The following TMC1 variants were observed in gnomAD, a reference collection of about 807,000 sequenced individuals.
The protein encoded by TMC1 is transmembrane channel-like protein 1.
A neutral mutation model predicts 105.8 loss-of-function variants in TMC1; 84 were observed. The ratio of observed to expected loss-of-function variants is 0.79; its 90% CI spans 0.67 to 0.95. The LOEUF (loss-of-function observed/expected upper bound fraction) is 0.95, where lower values mean the gene tolerates loss of function less well. Ranked by LOEUF, TMC1 falls within the 40% of genes least tolerant of loss-of-function variation. The pLI, the probability that TMC1 is intolerant of heterozygous loss-of-function variation, is 0.00. For missense variants in TMC1, 817 were observed against 914.1 expected (o/e 0.89, Z 1.37); for synonymous variants, 315 against 311.5 (o/e 1.01, Z -0.12).
At chr9:72,644,671 G>A (rs187036200) in intron 4 of TMC1, among the ~76,000 whole-genome samples, 11 of 152,192 alleles carry the variant, frequency 7.2e-5, no homozygotes, top group African/African-American at 2.4e-4. Flanking sequence ...AAGTCTTAAA[G>A]TTAGGTAGTA....
intron 13 of TMC1, among the ~76,000 whole-genome samples, chr9:72,779,970 T>G (rs1828066534): frequency 6.6e-6 from 1 of 152,102 alleles, no homozygotes; most frequent in Non-Finnish European, 1.5e-5. Context: ...CCACAGATTC[T>G]TTAAGGTCAA....
chr9:72,836,520 A>G lies in TMC1; in HGVS notation c.*547A>G, dbSNP rs1384840327. The G allele has an allele frequency of 6.3e-6, 1 of 158,106 alleles. No individual in the cohort carries two copies. The highest frequency in any genetic ancestry group is 1.4e-5 in the Non-Finnish European group (1 of 71,630). The allele number at this position is 158,106 out of a possible 1,614,324, so 9.8% of individuals were successfully genotyped here. On this transcript the variant is annotated 3_prime_UTR_variant, in exon 24 of 24. Transcript: ENST00000297784. ...CCCCAACCACGCGCCCCACAAATATATTCCTAAAACCTTTGTATTTGGTGC... is the reference window on the plus strand; with the variant it reads ...CCCCAACCACGCGCCCCACAAATATGTTCCTAAAACCTTTGTATTTGGTGC...
chr9:72,717,168 T>C (rs572810166), intron 8 of TMC1, among the ~76,000 whole-genome samples: 1 of 152,338 alleles, frequency 6.6e-6, no homozygotes, highest in Non-Finnish European at 1.5e-5. Context: ...TCTGCATCGA[T>C]CTTGCTGAGA....
intron 23 of TMC1, 45 bp downstream of exon 23, chr9:72,830,727 T>G (rs1030228777): frequency 2.0e-6 from 3 of 1,509,956 alleles, no homozygotes; most frequent in African/African-American, 1.4e-5. Flanking sequence ...TTTTTCTTTT[T>G]CTTTTTCTTT....
At chr9:72,587,349 G>A (rs534292640) in intron 2 of TMC1, among the ~76,000 whole-genome samples, 14 of 152,208 alleles carry the variant, frequency 9.2e-5, no homozygotes, top group African/African-American at 3.4e-4. Flanking sequence ...ATAGAGACGA[G>A]GTTTTACCAT....
intron 5 of TMC1, among the ~76,000 whole-genome samples, chr9:72,649,149 T>A (rs1364905315): frequency 6.6e-6 from 1 of 152,146 alleles, no homozygotes; most frequent in Non-Finnish European, 1.5e-5. Flanking sequence ...CAAACCCTAT[T>A]GTTGTAGGAT....
chr9:72,675,559 A>C (rs1372595078), intron 5 of TMC1, among the ~76,000 whole-genome samples: 1 of 152,132 alleles, frequency 6.6e-6, no homozygotes, highest in African/African-American at 2.4e-5. Context: ...CTGGCTGCTA[A>C]AAGTCTAGGT....
chr9:72,618,673 C>A (rs1010391216), intron 3 of TMC1, among the ~76,000 whole-genome samples: 1 of 151,986 alleles, frequency 6.6e-6, no homozygotes, highest in African/African-American at 2.4e-5. Context: ...TATTTTAAAA[C>A]AGTTATATTT....
intron 3 of TMC1, among the ~76,000 whole-genome samples, chr9:72,620,831 A>G (rs1354413755): frequency 6.6e-6 from 1 of 152,210 alleles, no homozygotes; most frequent in African/African-American, 2.4e-5. Flanking sequence ...TGACTATTTT[A>G]AAGAAATTAA....
chr9:72,787,383 G>A (rs1300348825), intron 13 of TMC1, among the ~76,000 whole-genome samples: 1 of 152,144 alleles, frequency 6.6e-6, no homozygotes, highest in Non-Finnish European at 1.5e-5. Context: ...GTGGGGGAAT[G>A]TAGATGATCT....
chr9:72,806,504 C>A (rs187202256), intron 18 of TMC1, among the ~76,000 whole-genome samples: 2,134 of 148,476 alleles, frequency 0.014, 54 homozygotes, highest in African/African-American at 0.051. Flanking sequence ...ATTTCTCAGA[C>A]GGGGCGGCTG....
intron 18 of TMC1, among the ~76,000 whole-genome samples, chr9:72,810,974 A>G (rs1588095349): frequency 6.6e-6 from 1 of 152,290 alleles, no homozygotes; most frequent in South Asian, 2.1e-4. Flanking sequence ...CACTTTTATT[A>G]CAACAGCCTC....
At chr9:72,629,374 C>A (rs980042865) in intron 4 of TMC1, among the ~76,000 whole-genome samples, 1 of 152,074 alleles carries the variant, frequency 6.6e-6, no homozygotes, top group Non-Finnish European at 1.5e-5. Context: ...ATTCAAAGAA[C>A]CATTCATTGA....
chr9:72,545,379 C>T (rs1314407615), intron 1 of TMC1, among the ~76,000 whole-genome samples: 2 of 151,478 alleles, frequency 1.3e-5, no homozygotes, highest in African/African-American at 4.9e-5. Flanking sequence ...TAATGTATAA[C>T]AATATTATAG....
chr9:72,804,376 A>C (rs1408439761), intron 17 of TMC1, among the ~76,000 whole-genome samples: 1 of 152,212 alleles, frequency 6.6e-6, no homozygotes, highest in African/African-American at 2.4e-5. Flanking sequence ...CCCAGAACTT[A>C]AAATAAAAAA....
At chr9:72,682,833 A>G (rs80315771) in intron 5 of TMC1, among the ~76,000 whole-genome samples, 15,056 of 152,184 alleles carry the variant, frequency 0.099, 853 homozygotes, top group African/African-American at 0.15. Flanking sequence ...TGCAGGCTGT[A>G]CAGAAAGCAT....
intron 5 of TMC1, among the ~76,000 whole-genome samples, chr9:72,673,107 A>G (rs1022133904): frequency 6.6e-6 from 1 of 152,218 alleles, no homozygotes; most frequent in Non-Finnish European, 1.5e-5. Context: ...TCATACTTCT[A>G]AATGACCCAG....
intron 2 of TMC1, among the ~76,000 whole-genome samples, chr9:72,611,365 G>T (rs771779447): frequency 3.3e-5 from 5 of 152,194 alleles, no homozygotes; most frequent in Non-Finnish European, 7.3e-5. Flanking sequence ...TGATGGAAAG[G>T]TATTTTGCTA....
At position 72,694,731 on chromosome 9, in the gene TMC1, A is replaced by T; in HGVS notation, c.236+17A>T. On this transcript the variant is annotated intron_variant, in intron 7 of 23. Transcript: ENST00000297784. ...GAGAGGAGCGTAAGTTAGTTCTGATATTCTTTCAAAAGTTCCAATGCTGAA... is the reference window on the plus strand; with the variant it reads ...GAGAGGAGCGTAAGTTAGTTCTGATTTTCTTTCAAAAGTTCCAATGCTGAA... 6.3e-7 allele frequency: 1 copy of T among 1,595,166 alleles called. No individual in the cohort carries two copies.
Sources: allele counts gnomAD v4.1 joint callset (sites outside exome capture counted in the v4.1 genomes callset), GRCh38; gene constraint gnomAD v4.1.1; transcripts MANE v1.5; gene names NCBI Gene and HGNC (gene_info 2026-07-23, HGNC 2026-07-21).